NPAS3: variants seen among roughly 807,000 people sequenced by gnomAD.
The protein encoded by NPAS3 is neuronal PAS domain-containing protein 3.
A neutral mutation model predicts 73.1 loss-of-function variants in NPAS3; 14 were observed. That is an observed-to-expected ratio of 0.19 (90% CI 0.13 to 0.30). The LOEUF (loss-of-function observed/expected upper bound fraction) is 0.30. Ranked by LOEUF, NPAS3 falls within the 10% of genes least tolerant of loss-of-function variation. NPAS3 has a pLI of 1.00. For synonymous variants in NPAS3, 620 were observed against 541.5 expected (o/e 1.14, Z -2.01); for missense variants, 1,096 against 1,250.0 (o/e 0.88, Z 1.86).
At chr14:33,133,162 T>C (rs1231917363) in intron 2 of NPAS3, among the ~76,000 whole-genome samples, 1 of 152,158 alleles carries the variant, frequency 6.6e-6, no homozygotes, top group Non-Finnish European at 1.5e-5. Flanking sequence ...CATCATATAA[T>C]TGGTAGCAAC....
intron 2 of NPAS3, among the ~76,000 whole-genome samples, chr14:33,211,850 G>A (rs1247791188): frequency 6.6e-6 from 1 of 152,076 alleles, no homozygotes; most frequent in African/African-American, 2.4e-5. Flanking sequence ...TCTCTTTTCT[G>A]CTATTCAAAT....
chr14:33,424,961 A>T (rs1456696902), intron 4 of NPAS3, among the ~76,000 whole-genome samples: 2 of 152,044 alleles, frequency 1.3e-5, no homozygotes, highest in Admixed American at 1.3e-4. Flanking sequence ...TGATTTATGG[A>T]TAATGCTACT....
intron 6 of NPAS3, among the ~76,000 whole-genome samples, chr14:33,677,642 T>G (rs3742543): frequency 0.58 from 88,117 of 151,418 alleles, 25,666 homozygotes; most frequent in South Asian, 0.65. Flanking sequence ...AACACACATT[T>G]GACTCTTGGA....
At chr14:33,188,950 GAGAC>G (rs1364269998) in intron 2 of NPAS3, among the ~76,000 whole-genome samples, 3 of 152,088 alleles carry the variant, frequency 2.0e-5, no homozygotes, top group East Asian at 1.9e-4. Flanking sequence ...CAGAGATTTT[GAGAC>G]AGATTGTTCC....
At chr14:33,346,029 G>A (rs1011804216) in intron 3 of NPAS3, among the ~76,000 whole-genome samples, 2 of 151,594 alleles carry the variant, frequency 1.3e-5, no homozygotes, top group African/African-American at 2.4e-5. Context: ...TCAGGAGTTC[G>A]AGACCAGCCT....
intron 4 of NPAS3, among the ~76,000 whole-genome samples, chr14:33,401,604 C>T (rs1362194447): frequency 6.6e-6 from 1 of 151,938 alleles, no homozygotes; most frequent in East Asian, 1.9e-4. Flanking sequence ...ATAATTGGAC[C>T]TCATGTGAAA....
At chr14:33,627,608 T>G (rs2058258160) in intron 5 of NPAS3, among the ~76,000 whole-genome samples, 1 of 152,194 alleles carries the variant, frequency 6.6e-6, no homozygotes, top group African/African-American at 2.4e-5. Context: ...GCTGATTCTC[T>G]CCATCCTGAA....
At chr14:33,101,369 G>A (rs2042572035) in intron 2 of NPAS3, among the ~76,000 whole-genome samples, 1 of 152,108 alleles carries the variant, frequency 6.6e-6, no homozygotes, top group African/African-American at 2.4e-5. Context: ...AAAGAGTGCA[G>A]GTGTATTGTA....
intron 4 of NPAS3, among the ~76,000 whole-genome samples, chr14:33,544,102 C>T (rs2139651820): frequency 6.6e-6 from 1 of 151,496 alleles, no homozygotes. Context: ...TGCTATCTGT[C>T]ACTGTTAATA....
Position 33,562,191 on chromosome 14 carries a change from A to C in NPAS3, c.558+1981A>C, listed in dbSNP as rs1195584290. ...CCTATGCTGGTTTCTCCTTAAAAGT[A>C]TTTTATTTAGCTGCTTTTCTACTGT... On this transcript the variant is annotated intron_variant, in intron 5 of 11. Coordinates refer to ENST00000356141, the Ensembl canonical transcript of NPAS3. Among the ~76,000 whole-genome samples, 5 of 152,198 alleles carry C rather than the reference A, an allele frequency of 3.3e-5. No homozygotes were observed. The East Asian group carries it at 9.6e-4, about 29-fold the overall frequency.
chr14:33,680,829 T>C (rs2059915151), intron 6 of NPAS3: 10 of 569,256 alleles, frequency 1.8e-5, no homozygotes, highest in Non-Finnish European at 6.2e-6. Context: ...TACAGCTGCA[T>C]GGCTAACCCA....
At chr14:33,250,061 C>T (rs1397738599) in intron 3 of NPAS3, among the ~76,000 whole-genome samples, 1 of 152,008 alleles carries the variant, frequency 6.6e-6, no homozygotes, top group Non-Finnish European at 1.5e-5. Flanking sequence ...CCCAAATAAT[C>T]AATAAGAAAC....
chr14:33,065,841 C>CT (rs1407526957), intron 2 of NPAS3, among the ~76,000 whole-genome samples: 1 of 152,058 alleles, frequency 6.6e-6, no homozygotes, highest in Non-Finnish European at 1.5e-5. Flanking sequence ...GTCAGGGGTG[C>CT]TTACAGTGAA....
chr14:33,534,321 C>G lies in NPAS3; in HGVS notation c.469-25800C>G, dbSNP rs148533295. On this transcript the variant is annotated intron_variant, in intron 4 of 11. Coordinates refer to ENST00000356141, the Ensembl canonical transcript of NPAS3. ...GCAACAGCTAGAGAAGTGGTTAACA[C>G]TAACTCCAGAATGGGCCTGATTTGT... is the stretch of plus-strand genomic sequence containing the variant. 3.5e-3 allele frequency among the ~76,000 whole-genome samples: 532 copies of G among 151,994 alleles called. 4 individuals carry two copies. The highest frequency in any genetic ancestry group is 0.012 in the African/African-American group (479 of 41,460).
At chr14:33,569,000 T>C (rs1490422987) in intron 5 of NPAS3, among the ~76,000 whole-genome samples, 1 of 152,270 alleles carries the variant, frequency 6.6e-6, no homozygotes, top group African/African-American at 2.4e-5. Flanking sequence ...TGTGTGAATA[T>C]GTGTTTATTC....
chr14:33,494,934 A>T (rs2052095875), intron 4 of NPAS3, among the ~76,000 whole-genome samples: 1 of 152,050 alleles, frequency 6.6e-6, no homozygotes. Context: ...CAACCCGCAG[A>T]GTCTCAGTTG....
chr14:33,488,950 A>G (rs1476317118), intron 4 of NPAS3, among the ~76,000 whole-genome samples: 1 of 152,188 alleles, frequency 6.6e-6, no homozygotes, highest in Non-Finnish European at 1.5e-5. Flanking sequence ...AAAGATGCTC[A>G]CATGACAAAG....
intron 1 of NPAS3, among the ~76,000 whole-genome samples, chr14:33,052,256 G>A (rs1051220871): frequency 1.3e-5 from 2 of 152,076 alleles, no homozygotes; most frequent in Non-Finnish European, 2.9e-5. Context: ...ATATTTCTAA[G>A]CATGGGATTA....
chr14:33,634,439 C>T (rs1001537446), intron 5 of NPAS3, among the ~76,000 whole-genome samples: 2 of 152,112 alleles, frequency 1.3e-5, no homozygotes, highest in East Asian at 3.9e-4. Context: ...TTTCTGAGAG[C>T]GATGTGGAGG....
Sources: gnomAD v4.1 joint callset for allele counts (sites outside exome capture counted in the v4.1 genomes callset) on GRCh38, gnomAD v4.1.1 for gene constraint, MANE v1.5 for transcripts, NCBI Gene and HGNC (gene_info 2026-07-23, HGNC 2026-07-21) for gene names.